FHIT: variants seen among roughly 807,000 people sequenced by gnomAD.
FHIT encodes bis(5'-adenosyl)-triphosphatase.
A neutral mutation model predicts 17.9 loss-of-function variants in FHIT; 19 were observed. The ratio of observed to expected loss-of-function variants is 1.06; its 90% CI spans 0.74 to 1.56. The LOEUF is 1.56. FHIT is among the 40% of genes most tolerant of loss of function. The pLI is 0.00. For synonymous variants in FHIT, 81 were observed against 69.7 expected (o/e 1.16, Z -0.81); for missense variants, 248 against 189.2 (o/e 1.31, Z -1.82).
chr3:61,219,159 A>T (rs1458988451), intron 1 of FHIT, among the ~76,000 whole-genome samples: 1 of 152,196 alleles, frequency 6.6e-6, no homozygotes, highest in African/African-American at 2.4e-5. Context: ...ATCTAAACAT[A>T]TAAAAGGTAT....
Position 61,141,716 on chromosome 3 carries a change from T to G in FHIT, c.-164+58901A>C, listed in dbSNP as rs114913815. Among the ~76,000 whole-genome samples the G allele has an allele frequency of 2.7e-3, 405 of 151,606 alleles. 4 individuals carry two copies. The highest frequency in any genetic ancestry group is 0.01 in the Middle Eastern group (3 of 292). ...TCTGCTTTGTGTTTCCCTGATTCAG[T>G]GAAAAACGGAGGTCATTTATAGCTT... On this transcript the variant is annotated intron_variant, in intron 2 of 9. Transcript: ENST00000492590.
At position 60,326,415 on chromosome 3, in the gene FHIT, T is replaced by C. The variant is rs1332806854; in HGVS notation, c.103+210445A>G. ...GATCCCTCCCATGTGCAATTCACAA[T>C]AGGGTTCACATTCCTATGAGAATCT... is the stretch of plus-strand genomic sequence containing the variant. On this transcript the variant is annotated intron_variant, in intron 5 of 9. Coordinates refer to ENST00000492590, the MANE Select transcript of FHIT (RefSeq NM_002012.4). 3.3e-5 allele frequency among the ~76,000 whole-genome samples: 5 copies of C among 152,090 alleles called. No homozygotes were observed. The East Asian group carries it at 7.8e-4, about 24-fold the overall frequency.
At chr3:60,035,408 T>C (rs574125155) in intron 5 of FHIT, among the ~76,000 whole-genome samples, 1 of 152,282 alleles carries the variant, frequency 6.6e-6, no homozygotes, top group East Asian at 1.9e-4. Flanking sequence ...AGCTAATTTT[T>C]TGTATTTTTA....
intron 5 of FHIT, among the ~76,000 whole-genome samples, chr3:60,298,496 G>C (rs374830038): frequency 6.6e-6 from 1 of 152,146 alleles, no homozygotes; most frequent in African/African-American, 2.4e-5. Flanking sequence ...AAAAGTATTC[G>C]ATCTTCCAAC....
At chr3:60,887,470 C>A (rs1705278677) in intron 3 of FHIT, among the ~76,000 whole-genome samples, 1 of 151,938 alleles carries the variant, frequency 6.6e-6, no homozygotes, top group Non-Finnish European at 1.5e-5. Context: ...GATGGTGAAA[C>A]CCCATCTCTA....
intron 8 of FHIT, among the ~76,000 whole-genome samples, chr3:59,891,136 C>T (rs17061368): frequency 0.015 from 2,249 of 152,308 alleles, 66 homozygotes; most frequent in African/African-American, 0.051. Context: ...ACACACTTTC[C>T]TAAGACCTGA....
At chr3:59,810,113 G>A (rs967660072) in intron 8 of FHIT, among the ~76,000 whole-genome samples, 1 of 152,102 alleles carries the variant, frequency 6.6e-6, no homozygotes, top group Non-Finnish European at 1.5e-5. Context: ...TTGTGAGAGG[G>A]CTCCTGGGGC....
At chr3:59,895,178 G>T (rs1322980448) in intron 8 of FHIT, among the ~76,000 whole-genome samples, 1 of 152,158 alleles carries the variant, frequency 6.6e-6, no homozygotes, top group African/African-American at 2.4e-5. Context: ...GAATCTTCGG[G>T]TACAAAATGT....
chr3:60,310,161 C>T (rs368428466), intron 5 of FHIT, among the ~76,000 whole-genome samples: 2 of 152,112 alleles, frequency 1.3e-5, no homozygotes, highest in Non-Finnish European at 2.9e-5. Flanking sequence ...GAAAGAAAAA[C>T]CAAAATGGAT....
chr3:59,755,929 A>T (rs1464156556), intron 8 of FHIT, among the ~76,000 whole-genome samples: 1 of 152,174 alleles, frequency 6.6e-6, no homozygotes, highest in Non-Finnish European at 1.5e-5. Context: ...GAGCTTGAAC[A>T]ATGAGAAGAA....
At chr3:60,076,195 T>C (rs1045485408) in intron 5 of FHIT, among the ~76,000 whole-genome samples, 6 of 152,242 alleles carry the variant, frequency 3.9e-5, no homozygotes, top group African/African-American at 1.4e-4. Flanking sequence ...CATGATGGTT[T>C]TCCTTAAAAG....
chr3:59,864,264 G>A (rs1485055850), intron 8 of FHIT, among the ~76,000 whole-genome samples: 1 of 152,086 alleles, frequency 6.6e-6, no homozygotes, highest in African/African-American at 2.4e-5. Context: ...TTGAATCATG[G>A]GGGCTGGTCT....
intron 1 of FHIT, among the ~76,000 whole-genome samples, chr3:61,203,130 A>T (rs2039083427): frequency 3.4e-5 from 5 of 148,992 alleles, no homozygotes. Context: ...CAGTGAGCAG[A>T]GATCGCACCA....
chr3:59,897,471 GTCCT>G (rs1306104103), intron 8 of FHIT, among the ~76,000 whole-genome samples: 2 of 152,048 alleles, frequency 1.3e-5, no homozygotes, highest in Admixed American at 6.6e-5. Context: ...TGGTATGTTG[GTCCT>G]TCCAACTACA....
At chr3:61,100,376 C>A (rs781545501) in intron 2 of FHIT, among the ~76,000 whole-genome samples, 2 of 152,162 alleles carry the variant, frequency 1.3e-5, no homozygotes, top group Non-Finnish European at 2.9e-5. Flanking sequence ...CATGTCCCTA[C>A]AAAGGACATG....
chr3:60,444,037 T>C (rs984425243), intron 5 of FHIT, among the ~76,000 whole-genome samples: 2 of 152,056 alleles, frequency 1.3e-5, no homozygotes, highest in Non-Finnish European at 2.9e-5. Flanking sequence ...GTGAAGGATA[T>C]GAACAGACAC....
chr3:60,580,497 T>C (rs1329755661), intron 4 of FHIT, among the ~76,000 whole-genome samples: 1 of 152,144 alleles, frequency 6.6e-6, no homozygotes, highest in Non-Finnish European at 1.5e-5. Flanking sequence ...CTATTTCAAC[T>C]TCCATTTTAA....
intron 5 of FHIT, among the ~76,000 whole-genome samples, chr3:60,499,187 A>G (rs2107519308): frequency 1.3e-5 from 2 of 152,286 alleles, no homozygotes; most frequent in East Asian, 3.9e-4. Flanking sequence ...TGAATATAGC[A>G]AGGTATGATG....
intron 8 of FHIT, among the ~76,000 whole-genome samples, chr3:59,855,279 C>T (rs1208132273): frequency 6.6e-6 from 1 of 152,138 alleles, no homozygotes; most frequent in Non-Finnish European, 1.5e-5. Flanking sequence ...ACAGCTTTGA[C>T]CCTCATAATG....
Sources: allele counts gnomAD v4.1 joint callset (sites outside exome capture counted in the v4.1 genomes callset), GRCh38; gene constraint gnomAD v4.1.1; transcripts MANE v1.5; gene names NCBI Gene and HGNC (gene_info 2026-07-23, HGNC 2026-07-21).